Variants in PSPH observed in about 807,000 individuals in gnomAD.
PSPH encodes the protein L-3-phosphoserine phosphatase.
PSPH carries 16 observed loss-of-function variants against 23.4 expected under a neutral mutation model. The ratio of observed to expected loss-of-function variants is 0.68; its 90% CI spans 0.46 to 1.04. The LOEUF is 1.04. Among genes scored for constraint, PSPH ranks in the 50% least tolerant of loss-of-function variants. The pLI is 0.00. For synonymous variants in PSPH, 68 were observed against 99.7 expected (o/e 0.68, Z 1.89); for missense variants, 223 against 273.7 (o/e 0.81, Z 1.31).
intron 1 of PSPH, among the ~76,000 whole-genome samples, chr7:56,039,110 T>C (rs953824375): frequency 4.8e-5 from 7 of 146,180 alleles, no homozygotes; most frequent in Admixed American, 2.1e-4. Flanking sequence ...ATCATGCCAT[T>C]GCATACCCGC....
At chr7:56,040,229 T>C (rs1467624629) in intron 1 of PSPH, among the ~76,000 whole-genome samples, 1 of 152,192 alleles carries the variant, frequency 6.6e-6, no homozygotes, top group Admixed American at 6.6e-5. Context: ...ATGCCCATGA[T>C]ATGTTCACAT....
intron 1 of PSPH, among the ~76,000 whole-genome samples, chr7:56,034,370 T>C (rs1460542623): frequency 6.6e-6 from 1 of 151,886 alleles, no homozygotes; most frequent in East Asian, 1.9e-4. Flanking sequence ...CACCACCACT[T>C]AGGATAAGGA....
At chr7:56,046,750 C>G (rs181465791) in intron 1 of PSPH, among the ~76,000 whole-genome samples, 1 of 149,572 alleles carries the variant, frequency 6.7e-6, no homozygotes, top group South Asian at 2.1e-4. Flanking sequence ...CACCACTACA[C>G]TCCAGCCTGG....
chr7:56,015,062 A>G lies in PSPH; in HGVS notation c.531T>C (p.Ile177=), dbSNP rs1269380295. The G allele has an allele frequency of 4.3e-6, 7 of 1,614,146 alleles. No individual in the cohort carries two copies. Among genetic ancestry groups the G allele is most frequent in the Non-Finnish European group, 5.9e-6 (7 of 1,179,994 alleles). ...CTTCCATATCTGTGGCACCATCTCC[A>G]ATCATGATTATTTTCTTAAAATGAA... ...EKFHFKKIIM[I]GDGATDMEAC... is the part of the protein sequence containing the mutation. The change falls in exon 7 of 8, where the codon ATT becomes ATC. Residue 177 remains isoleucine, a synonymous_variant. Coordinates refer to ENST00000275605, the MANE Select transcript of PSPH (RefSeq NM_004577.4).
At chr7:56,013,326 T>G (rs1788184575) in intron 7 of PSPH, among the ~76,000 whole-genome samples, 1 of 151,930 alleles carries the variant, frequency 6.6e-6, no homozygotes, top group Admixed American at 6.6e-5. Context: ...AAGATTAGCC[T>G]GGGCAACATA....
chr7:56,050,016 G>A (rs192574141), intron 1 of PSPH, among the ~76,000 whole-genome samples: 353 of 152,144 alleles, frequency 2.3e-3, no homozygotes, highest in Non-Finnish European at 3.5e-3. Flanking sequence ...GATTACAAGC[G>A]TGCGCCACCA....
At chr7:56,014,264 T>C (rs767935502) in intron 7 of PSPH, among the ~76,000 whole-genome samples, 10 of 152,152 alleles carry the variant, frequency 6.6e-5, no homozygotes, top group East Asian at 1.9e-4. Context: ...ATGGTATTAT[T>C]TGGGGAAATG....
At chr7:56,027,779 T>C (rs1376952338) in intron 3 of PSPH, among the ~76,000 whole-genome samples, 2 of 146,496 alleles carry the variant, frequency 1.4e-5, no homozygotes, top group Admixed American at 6.9e-5. Context: ...CCGAGTGCAG[T>C]GGCTCACACT....
intron 6 of PSPH, among the ~76,000 whole-genome samples, chr7:56,016,127 A>C (rs1453412498): frequency 1.3e-5 from 2 of 149,676 alleles, no homozygotes; most frequent in Non-Finnish European, 3.0e-5. Context: ...GTTAACATAC[A>C]GTGGCTCACG....
chr7:56,035,153 C>T (rs1284212472), intron 1 of PSPH, among the ~76,000 whole-genome samples: 1 of 152,052 alleles, frequency 6.6e-6, no homozygotes, highest in Non-Finnish European at 1.5e-5. Flanking sequence ...CCAGCCTGGC[C>T]AACATGGCAA....
At position 56,026,928 on chromosome 7, in the gene PSPH, C is replaced by T. The variant is rs10259981; in HGVS notation, c.-20+5001G>A. ...TTTTAAGAAGGTACATGAGAAGGCC[C>T]GGCACGGTGGCTCATGCCTGTAATC... On this transcript the variant is annotated intron_variant, in intron 3 of 7. Transcript: ENST00000275605. Among the ~76,000 whole-genome samples, 1,066 of 151,810 alleles carry T rather than the reference C, an allele frequency of 7.0e-3. 11 individuals carry two copies. The highest frequency in any genetic ancestry group is 0.024 in the African/African-American group (990 of 41,412).
intron 3 of PSPH, among the ~76,000 whole-genome samples, chr7:56,025,947 C>T (rs1790132368): frequency 6.6e-6 from 1 of 152,048 alleles, no homozygotes; most frequent in African/African-American, 2.4e-5. Flanking sequence ...TGCTCCTCTG[C>T]CTGGAATCAC....
chr7:56,040,348 A>C (rs1018156232), intron 1 of PSPH, among the ~76,000 whole-genome samples: 3 of 150,676 alleles, frequency 2.0e-5, no homozygotes, highest in African/African-American at 7.3e-5. Context: ...ATCTATGTCT[A>C]TATATCTATA....
Position 56,041,193 on chromosome 7 carries a change from A to C in PSPH, c.-291-7087T>G, listed in dbSNP as rs199886383. Among the ~76,000 whole-genome samples, 93 of 146,938 alleles carry C rather than the reference A, an allele frequency of 6.3e-4. 1 individual carries two copies. In the East Asian group the frequency reaches 7.2e-3, roughly 11 times the overall value. ...AGCTTGATTATCATAGCAAGACTCT[A>C]TCTCTCTCTCTCTCTCTTTTTTTTT... is the stretch of plus-strand genomic sequence containing the variant. On this transcript the variant is annotated intron_variant, in intron 1 of 7. Transcript: ENST00000275605.
At chr7:56,020,031 A>G (rs1789127683) in intron 4 of PSPH, among the ~76,000 whole-genome samples, 1 of 152,142 alleles carries the variant, frequency 6.6e-6, no homozygotes, top group South Asian at 2.1e-4. Flanking sequence ...AGCCTGGTCA[A>G]CATGACAAAA....
chr7:56,050,670 C>A (rs1226989456), intron 1 of PSPH, among the ~76,000 whole-genome samples: 1 of 152,116 alleles, frequency 6.6e-6, no homozygotes, highest in East Asian at 1.9e-4. Context: ...GTATAACACA[C>A]CCTGCAGTGT....
chr7:56,047,775 T>C (rs957711040), intron 1 of PSPH, among the ~76,000 whole-genome samples: 1 of 151,762 alleles, frequency 6.6e-6, no homozygotes, highest in African/African-American at 2.4e-5. Context: ...CAAGTGATTC[T>C]CCTGCCTCAG....
At chr7:56,047,352 G>A (rs1391309102) in intron 1 of PSPH, among the ~76,000 whole-genome samples, 1 of 150,832 alleles carries the variant, frequency 6.6e-6, no homozygotes, top group East Asian at 2.0e-4. Flanking sequence ...TTGAGCTACT[G>A]CACTCCAGCC....
At chr7:56,038,408 G>A (rs1040365802) in intron 1 of PSPH, among the ~76,000 whole-genome samples, 6 of 152,034 alleles carry the variant, frequency 3.9e-5, no homozygotes, top group African/African-American at 1.4e-4. Flanking sequence ...GCAGTGAGCG[G>A]AGATCGCGCC....
Sources: allele counts gnomAD v4.1 joint callset (sites outside exome capture counted in the v4.1 genomes callset), GRCh38; gene constraint gnomAD v4.1.1; transcripts MANE v1.5; gene names NCBI Gene and HGNC (gene_info 2026-07-23, HGNC 2026-07-21).